The following XKR9 variants were observed in gnomAD, a reference collection of about 807,000 sequenced individuals.
XKR9 encodes XK-related protein 9.
XKR9 carries 32 observed loss-of-function variants against 32.0 expected under a neutral mutation model. The ratio of observed to expected loss-of-function variants is 1.00; its 90% CI spans 0.76 to 1.34. The LOEUF (loss-of-function observed/expected upper bound fraction) is 1.34, where lower values mean the gene tolerates loss of function less well. XKR9 is among the 40% of genes most tolerant of loss of function. The pLI, the probability that XKR9 is intolerant of heterozygous loss-of-function variation, is 0.00. For missense variants in XKR9, 546 were observed against 429.7 expected (o/e 1.27, Z -2.39); for synonymous variants, 168 against 143.4 (o/e 1.17, Z -1.22).
At chr8:70,874,150 T>G in the XKR9 span, among the ~76,000 whole-genome samples, 1 of 152,246 alleles carries the variant, frequency 6.6e-6, no homozygotes, top group Non-Finnish European at 1.5e-5. Context: ...TAAACTTTTA[T>G]ATGCACAGGG....
At chr8:71,018,964 C>A in the XKR9 span, among the ~76,000 whole-genome samples, 1 of 152,060 alleles carries the variant, frequency 6.6e-6, no homozygotes, top group African/African-American at 2.4e-5. Flanking sequence ...AGTTTTGGAA[C>A]AAAAAGACTG....
At chr8:70,778,329 A>G (rs569937573) in intron 2 of XKR9, among the ~76,000 whole-genome samples, 2 of 152,306 alleles carry the variant, frequency 1.3e-5, no homozygotes, top group East Asian at 1.9e-4. Context: ...TACCAGTACC[A>G]TGCTGTTTTG....
At chr8:70,717,931 C>A (rs1191179708) in intron 4 of XKR9, among the ~76,000 whole-genome samples, 1 of 152,188 alleles carries the variant, frequency 6.6e-6, no homozygotes, top group African/African-American at 2.4e-5. Flanking sequence ...CAAAGTCCCA[C>A]AGATCTCTAG....
chr8:70,925,285 C>T, the XKR9 span, among the ~76,000 whole-genome samples: 2 of 151,948 alleles, frequency 1.3e-5, no homozygotes, highest in Admixed American at 6.6e-5. Flanking sequence ...AATGGGCCCT[C>T]AATAGCATAT....
At chr8:70,876,317 G>A in the XKR9 span, among the ~76,000 whole-genome samples, 1 of 149,642 alleles carries the variant, frequency 6.7e-6, no homozygotes, top group East Asian at 2.0e-4. Context: ...CGCCTCCTAG[G>A]TTCAAGCAAT....
chr8:70,834,967 G>A, the XKR9 span, among the ~76,000 whole-genome samples: 2 of 152,082 alleles, frequency 1.3e-5, no homozygotes, highest in Admixed American at 6.6e-5. Context: ...AGATGAATGA[G>A]TGAGAATCTA....
At chr8:70,907,068 G>T in the XKR9 span, among the ~76,000 whole-genome samples, 9 of 152,028 alleles carry the variant, frequency 5.9e-5, no homozygotes, top group Non-Finnish European at 1.2e-4. Flanking sequence ...GTTGTTATCT[G>T]TTATCTGTCC....
At chr8:70,908,395 G>A in the XKR9 span, among the ~76,000 whole-genome samples, 5 of 151,942 alleles carry the variant, frequency 3.3e-5, no homozygotes, top group East Asian at 7.7e-4. Flanking sequence ...CTAAATCAGT[G>A]GTTCTCAACA....
chr8:70,855,838 A>G, the XKR9 span, among the ~76,000 whole-genome samples: 1 of 152,204 alleles, frequency 6.6e-6, no homozygotes, highest in Non-Finnish European at 1.5e-5. Flanking sequence ...ATCTTAAAGA[A>G]AAGAATTTTC....
At chr8:70,744,310 C>CAA (rs5892236) in intron 2 of XKR9, among the ~76,000 whole-genome samples, 4 of 148,178 alleles carry the variant, frequency 2.7e-5, no homozygotes, top group African/African-American at 9.9e-5. Flanking sequence ...GACTTCGCCT[C>CAA]AAAAAAAAAA....
intron 3 of XKR9, among the ~76,000 whole-genome samples, chr8:70,706,452 A>G (rs1459709097): frequency 1.3e-5 from 2 of 152,102 alleles, no homozygotes; most frequent in Admixed American, 6.6e-5. Context: ...TATTCTCTTA[A>G]GGGAAATTAT....
At chr8:70,909,089 T>A in the XKR9 span, among the ~76,000 whole-genome samples, 3 of 152,288 alleles carry the variant, frequency 2.0e-5, no homozygotes, top group South Asian at 6.2e-4. Context: ...TATATTACCA[T>A]GTAGTCCTTT....
At chr8:70,921,485 T>C in the XKR9 span, among the ~76,000 whole-genome samples, 3 of 152,252 alleles carry the variant, frequency 2.0e-5, no homozygotes, top group Non-Finnish European at 2.9e-5. Context: ...AGCTTCCTAA[T>C]ATCAAGTGTC....
At chr8:70,973,996 T>A in the XKR9 span, among the ~76,000 whole-genome samples, 1 of 152,198 alleles carries the variant, frequency 6.6e-6, no homozygotes, top group African/African-American at 2.4e-5. Context: ...TAGGGTATAG[T>A]TTAAGTCCAT....
downstream of XKR9, among the ~76,000 whole-genome samples, chr8:70,794,253 T>C (rs1807800668): frequency 1.3e-5 from 2 of 152,134 alleles, no homozygotes; most frequent in African/African-American, 4.8e-5. Flanking sequence ...CAGGTTTTTA[T>C]TAGTATTTTA....
chr8:70,786,188 T>C (rs957392760), intron 2 of XKR9, among the ~76,000 whole-genome samples: 3 of 152,166 alleles, frequency 2.0e-5, no homozygotes, highest in African/African-American at 4.8e-5. Flanking sequence ...TGTTTTGTGC[T>C]CTAACATGTG....
intron 2 of XKR9, among the ~76,000 whole-genome samples, chr8:70,781,768 C>T (rs1807620376): frequency 6.6e-6 from 1 of 151,924 alleles, no homozygotes; most frequent in Non-Finnish European, 1.5e-5. Flanking sequence ...GCTCATTTAT[C>T]CAAAGAGTAT....
intron 3 of XKR9, among the ~76,000 whole-genome samples, chr8:70,695,329 C>A (rs553982910): frequency 1.3e-5 from 1 of 77,204 alleles, no homozygotes; most frequent in African/African-American, 4.9e-5. Context: ...CCTCCCCCCT[C>A]CCGCCACCCC....
chr8:70,795,380 G>A, the XKR9 span, among the ~76,000 whole-genome samples: 2 of 152,074 alleles, frequency 1.3e-5, no homozygotes, highest in African/African-American at 4.8e-5. Flanking sequence ...ACCATTGATG[G>A]GTATTTAGGT....
Sources: allele counts gnomAD v4.1 joint callset (sites outside exome capture counted in the v4.1 genomes callset), GRCh38; gene constraint gnomAD v4.1.1; transcripts MANE v1.5; gene names NCBI Gene and HGNC (gene_info 2026-07-23, HGNC 2026-07-21).